GHR: variants seen among roughly 807,000 people sequenced by gnomAD.
GHR encodes GH receptor.
In GHR, 35 loss-of-function variants were observed where a neutral mutation model predicts 67.1. The observed-to-expected ratio is 0.52, with a 90% CI of 0.40 to 0.69. The LOEUF (loss-of-function observed/expected upper bound fraction) is 0.69. GHR is among the 30% of genes least tolerant of loss of function. The pLI is 0.00. For synonymous variants in GHR, 272 were observed against 269.1 expected (o/e 1.01, Z -0.10); for missense variants, 792 against 764.6 (o/e 1.04, Z -0.42).
At chr5:42,527,582 A>C (rs894545603) in intron 1 of GHR, among the ~76,000 whole-genome samples, 3 of 152,212 alleles carry the variant, frequency 2.0e-5, no homozygotes, top group Admixed American at 6.5e-5. Flanking sequence ...ATACCTACAA[A>C]GAGACATAGA....
intron 1 of GHR, among the ~76,000 whole-genome samples, chr5:42,431,062 A>C (rs1056404735): frequency 3.9e-5 from 6 of 152,074 alleles, no homozygotes; most frequent in Non-Finnish European, 5.9e-5. Flanking sequence ...AAACAAAATG[A>C]CCCCTTAGAA....
chr5:42,487,526 C>T (rs1032716069), intron 1 of GHR, among the ~76,000 whole-genome samples: 5 of 152,014 alleles, frequency 3.3e-5, no homozygotes, highest in Non-Finnish European at 5.9e-5. Context: ...TGAAATAAGA[C>T]AATGAAAAAA....
rs182475654 is a variant in GHR at position 42,667,438 on chromosome 5, A to G, written c.137-21452A>G. On this transcript the variant is annotated intron_variant, in intron 3 of 9. Coordinates refer to ENST00000230882, the MANE Select transcript of GHR (RefSeq NM_000163.5). ...TATTTTCCTTTAAGGAATTCATTGT[A>G]CTAATATAACATAGAAGCTCATTGT... 9.8e-5 allele frequency among the ~76,000 whole-genome samples: 15 copies of G among 152,292 alleles called. No homozygotes were observed. In the East Asian group the frequency reaches 2.3e-3, roughly 23 times the overall value.
At chr5:42,686,013 G>C (rs942465314) in intron 3 of GHR, among the ~76,000 whole-genome samples, 2 of 152,096 alleles carry the variant, frequency 1.3e-5, no homozygotes, top group Non-Finnish European at 2.9e-5. Context: ...TGAAGTCTTT[G>C]CTCATGCCTA....
intron 1 of GHR, among the ~76,000 whole-genome samples, chr5:42,448,748 A>G (rs758424201): frequency 4.5e-4 from 68 of 152,246 alleles, no homozygotes; most frequent in Non-Finnish European, 8.8e-4. Flanking sequence ...GTTATCTTCT[A>G]GAATTTTAAT....
chr5:42,486,426 A>G (rs1745881099), intron 1 of GHR, among the ~76,000 whole-genome samples: 1 of 152,206 alleles, frequency 6.6e-6, no homozygotes, highest in African/African-American at 2.4e-5. Context: ...TGTACTATTT[A>G]AGATACATCT....
intron 2 of GHR, among the ~76,000 whole-genome samples, chr5:42,610,866 G>A (rs758946594): frequency 2.0e-5 from 3 of 152,090 alleles, no homozygotes; most frequent in Non-Finnish European, 4.4e-5. Flanking sequence ...GCCTGCCTTG[G>A]TGTCCTTGTC....
chr5:42,692,616 T>C (rs571446727), intron 4 of GHR, among the ~76,000 whole-genome samples: 1 of 152,348 alleles, frequency 6.6e-6, no homozygotes, highest in East Asian at 1.9e-4. Context: ...TTCTGATCCA[T>C]CATGCTTAAA....
At chr5:42,582,426 G>A (rs889276101) in intron 2 of GHR, among the ~76,000 whole-genome samples, 2 of 152,178 alleles carry the variant, frequency 1.3e-5, no homozygotes, top group African/African-American at 2.4e-5. Context: ...ATCCAAACTC[G>A]GGCAGATGTC....
chr5:42,424,544 G>C lies in GHR; in HGVS notation c.-12+589G>C. The stretch of plus-strand genomic sequence containing the variant: ...TTGTGCGGGCCGCAGCCGCACGTTG[G>C]CACCGATGGAACTGGGGTCAGTAGA... On this transcript the variant is annotated intron_variant, in intron 1 of 9. Transcript: ENST00000230882. The surrounding 1 kb of genome is among the most constrained non-coding windows in gnomAD (Gnocchi z 4.1). The C allele has an allele frequency of 6.6e-7, 1 of 1,526,504 alleles. No individual in the cohort carries two copies. Among genetic ancestry groups the C allele is most frequent in the Non-Finnish European group, 8.8e-7 (1 of 1,138,836 alleles). 94.6% of individuals were successfully genotyped at this position (1,526,504 alleles called of 1,614,324 possible).
intron 1 of GHR, among the ~76,000 whole-genome samples, chr5:42,565,249 A>G (rs1451391469): frequency 1.3e-5 from 2 of 152,166 alleles, no homozygotes; most frequent in East Asian, 1.9e-4. Flanking sequence ...AAACCTCTCT[A>G]CGACACACTG....
At chr5:42,558,973 G>A (rs1749456228) in intron 1 of GHR, among the ~76,000 whole-genome samples, 1 of 152,020 alleles carries the variant, frequency 6.6e-6, no homozygotes, top group South Asian at 2.1e-4. Context: ...TCAATTCTGT[G>A]TATATTTTAT....
At chr5:42,477,013 C>T (rs1185848772) in intron 1 of GHR, among the ~76,000 whole-genome samples, 2 of 149,900 alleles carry the variant, frequency 1.3e-5, no homozygotes, top group East Asian at 2.0e-4. Flanking sequence ...GGTGTATCTC[C>T]TAATGCTATC....
chr5:42,663,187 C>T (rs1398057424), intron 3 of GHR, among the ~76,000 whole-genome samples: 2 of 152,326 alleles, frequency 1.3e-5, no homozygotes, highest in African/African-American at 4.8e-5. Context: ...TGGTACCATT[C>T]CTTCTGAAAC....
chr5:42,466,894 A>G (rs1744755374), intron 1 of GHR: 1 of 1,475,852 alleles, frequency 6.8e-7, no homozygotes, highest in Non-Finnish European at 9.0e-7. Context: ...TTGTTGTTCA[A>G]CAAGATGGGT....
chr5:42,662,781 C>T (rs1413268894), intron 3 of GHR, among the ~76,000 whole-genome samples: 1 of 152,036 alleles, frequency 6.6e-6, no homozygotes, highest in East Asian at 1.9e-4. Context: ...GAAATAGAGA[C>T]ACAAAAAACC....
At chr5:42,468,089 TCA>T (rs887776317) in intron 1 of GHR, 2 of 1,056,978 alleles carry the variant, frequency 1.9e-6, no homozygotes, top group African/African-American at 3.2e-5. Context: ...CTCACGTATC[TCA>T]GTTTTTGGAA....
chr5:42,632,255 C>T (rs1181279594), intron 3 of GHR, among the ~76,000 whole-genome samples: 3 of 152,108 alleles, frequency 2.0e-5, no homozygotes, highest in Admixed American at 6.5e-5. Flanking sequence ...ATCTATCTTC[C>T]TCCCACCCCA....
At chr5:42,620,583 A>G (rs1158757281) in intron 2 of GHR, among the ~76,000 whole-genome samples, 1 of 152,208 alleles carries the variant, frequency 6.6e-6, no homozygotes, top group Non-Finnish European at 1.5e-5. Context: ...TGCTTCCTAA[A>G]GAAGACACAG....
Sources: gnomAD v4.1 joint callset for allele counts (sites outside exome capture counted in the v4.1 genomes callset) on GRCh38, gnomAD v4.1.1 for gene constraint, Gnocchi (gnomAD v3.1) non-coding constraint, MANE v1.5 for transcripts, NCBI Gene and HGNC (gene_info 2026-07-23, HGNC 2026-07-21) for gene names.